Variants in ME3 observed in about 807,000 individuals in gnomAD.
The protein encoded by ME3 is NADP-dependent malic enzyme, mitochondrial.
Under a neutral mutation model 68.9 loss-of-function variants are expected in ME3, and 48 were observed. The ratio of observed to expected loss-of-function variants is 0.70; its 90% CI spans 0.55 to 0.89. The LOEUF (loss-of-function observed/expected upper bound fraction) is 0.89. Ranked by LOEUF, ME3 falls within the 40% of genes least tolerant of loss-of-function variation. The pLI is 0.00. For synonymous variants in ME3, 320 were observed against 318.8 expected (o/e 1.00, Z -0.04); for missense variants, 675 against 797.4 (o/e 0.85, Z 1.85).
At chr11:86,576,390 G>C (rs1037060478) in intron 2 of ME3, among the ~76,000 whole-genome samples, 1 of 152,166 alleles carries the variant, frequency 6.6e-6, no homozygotes, top group Non-Finnish European at 1.5e-5. Flanking sequence ...GGAGGTCAAG[G>C]TGGAGAGAGG....
intron 2 of ME3, among the ~76,000 whole-genome samples, chr11:86,606,432 C>G (rs1040068615): frequency 2.6e-5 from 4 of 152,198 alleles, no homozygotes; most frequent in African/African-American, 9.6e-5. Flanking sequence ...GCCACACACA[C>G]AAGTGCCACT....
intron 4 of ME3, among the ~76,000 whole-genome samples, chr11:86,509,617 TAG>T (rs1953364403): frequency 6.6e-6 from 1 of 151,888 alleles, no homozygotes; most frequent in Non-Finnish European, 1.5e-5. Context: ...TATCAGATAA[TAG>T]AGTTGGGGCT....
At chr11:86,487,632 G>A (rs1477888421) in intron 6 of ME3, among the ~76,000 whole-genome samples, 192 bp from the exon 7 acceptor site, 2 of 152,136 alleles carry the variant, frequency 1.3e-5, no homozygotes, top group Non-Finnish European at 2.9e-5. Context: ...GATTGAGGTT[G>A]GACTCTTAGA....
intron 2 of ME3, among the ~76,000 whole-genome samples, chr11:86,572,532 G>A (rs762759987): frequency 4.6e-5 from 7 of 152,274 alleles, no homozygotes; most frequent in Middle Eastern, 3.4e-3. Flanking sequence ...AACATGCGGC[G>A]TTTGGCTTGC....
At chr11:86,667,610 C>T (rs566633) in intron 2 of ME3, 150,113 of 152,318 alleles carry the variant, frequency 0.99, 73,998 homozygotes, top group Non-Finnish European at 1. Context: ...GTGTCTGTCC[C>T]CATGGTCTAG....
At chr11:86,462,002 A>G (rs1304223205) in intron 8 of ME3, among the ~76,000 whole-genome samples, 3 of 152,238 alleles carry the variant, frequency 2.0e-5, no homozygotes, top group Non-Finnish European at 4.4e-5. Context: ...AAAATTGGCT[A>G]TAGAGGCAAG....
intron 8 of ME3, among the ~76,000 whole-genome samples, chr11:86,454,202 A>G (rs977650159): frequency 9.9e-5 from 15 of 152,234 alleles, no homozygotes; most frequent in African/African-American, 3.6e-4. Flanking sequence ...AAATGTTCCA[A>G]TATACTTTGT....
chr11:86,496,834 A>C (rs1392887273), intron 6 of ME3, among the ~76,000 whole-genome samples: 2 of 151,380 alleles, frequency 1.3e-5, no homozygotes, highest in African/African-American at 4.9e-5. Flanking sequence ...AAAGAAATAT[A>C]AAATACTGTA....
exon 15 of ME3, chr11:86,441,315 A>G: frequency 6.2e-7 from 1 of 1,609,216 alleles, no homozygotes; most frequent in Non-Finnish European, 8.5e-7. Flanking sequence ...CCTTGGGCCA[A>G]GTGTAGCTGT....
At chr11:86,572,107 ATCTT>A (rs1463145354) in intron 2 of ME3, among the ~76,000 whole-genome samples, 1 of 152,210 alleles carries the variant, frequency 6.6e-6, no homozygotes, top group Non-Finnish European at 1.5e-5. Flanking sequence ...CAAAGAATGA[ATCTT>A]TCTTCCCAGA....
At chr11:86,443,401 C>T (rs1239541153) in intron 13 of ME3, among the ~76,000 whole-genome samples, 2 of 152,232 alleles carry the variant, frequency 1.3e-5, no homozygotes, top group African/African-American at 4.8e-5. Flanking sequence ...GGCCTCTCCT[C>T]CAGTGAGTGA....
intron 2 of ME3, among the ~76,000 whole-genome samples, chr11:86,648,513 T>C (rs1204016331): frequency 2.2e-5 from 1 of 46,350 alleles, no homozygotes; most frequent in Non-Finnish European, 4.6e-5. Flanking sequence ...CAAAAAACCT[T>C]TCAAAAAAAA....
intron 4 of ME3, 62 bp downstream of exon 4, chr11:86,556,491 A>G (rs905857779): frequency 4.6e-5 from 71 of 1,548,742 alleles, no homozygotes; most frequent in Middle Eastern, 1.8e-4. Context: ...TGAAGGGCGG[A>G]AAGAATTTAT....
intron 4 of ME3, among the ~76,000 whole-genome samples, chr11:86,519,113 T>C (rs749658808): frequency 6.6e-6 from 1 of 152,236 alleles, no homozygotes; most frequent in African/African-American, 2.4e-5. Flanking sequence ...GAAGCAAATA[T>C]GCCAACCATC....
chr11:86,453,982 T>C (rs1231032767), intron 8 of ME3, among the ~76,000 whole-genome samples: 2 of 152,230 alleles, frequency 1.3e-5, no homozygotes, highest in Non-Finnish European at 2.9e-5. Flanking sequence ...TTTTAAAAAA[T>C]ATTAAGTGTT....
downstream of ME3, chr11:86,441,090 A>T: frequency 1.1e-5 from 5 of 453,952 alleles, no homozygotes; most frequent in Non-Finnish European, 1.8e-5. Flanking sequence ...GGGTTCAGAA[A>T]AGTGAACTCC....
chr11:86,528,669 G>A (rs540335805), intron 4 of ME3, among the ~76,000 whole-genome samples: 38 of 152,134 alleles, frequency 2.5e-4, no homozygotes, highest in African/African-American at 8.4e-4. Context: ...TCAGACCACA[G>A]TGCAATCAAA....
chr11:86,521,608 C>T (rs1188774115), intron 4 of ME3, among the ~76,000 whole-genome samples: 2 of 152,114 alleles, frequency 1.3e-5, no homozygotes, highest in Non-Finnish European at 2.9e-5. Flanking sequence ...ATGTCACTGC[C>T]TCTCCAAGAG....
intron 2 of ME3, among the ~76,000 whole-genome samples, chr11:86,568,494 T>C (rs2139528917): frequency 6.6e-6 from 1 of 152,370 alleles, no homozygotes; most frequent in African/African-American, 2.4e-5. Context: ...CTTTCCTGAA[T>C]GATCATCTCT....
Sources: gnomAD v4.1 joint callset for allele counts (sites outside exome capture counted in the v4.1 genomes callset) on GRCh38, gnomAD v4.1.1 for gene constraint, MANE v1.5 for transcripts, NCBI Gene and HGNC (gene_info 2026-07-23, HGNC 2026-07-21) for gene names.